LOXL2: variants seen among roughly 807,000 people sequenced by gnomAD.
LOXL2 encodes the protein lysyl oxidase like 2.
In LOXL2, 70 loss-of-function variants were observed where a neutral mutation model predicts 93.0. The ratio of observed to expected loss-of-function variants is 0.75; its 90% CI spans 0.62 to 0.92. The LOEUF (loss-of-function observed/expected upper bound fraction) is 0.92, where lower values mean the gene tolerates loss of function less well. Ranked by LOEUF, LOXL2 falls within the 40% of genes least tolerant of loss-of-function variation. The pLI, the probability that LOXL2 is intolerant of heterozygous loss-of-function variation, is 0.00. For missense variants in LOXL2, 973 were observed against 1,054.9 expected, an observed-to-expected ratio of 0.92 and a Z score of 1.08; for synonymous variants, 438 against 413.2, an observed-to-expected ratio of 1.06 and a Z score of -0.73.
chr8:23,395,880 C>T (rs936910655), intron 1 of LOXL2, among the ~76,000 whole-genome samples: 1 of 151,920 alleles, frequency 6.6e-6, no homozygotes, highest in Non-Finnish European at 1.5e-5. Context: ...TACCCTGTTG[C>T]CCAGGCTGGT....
chr8:23,358,030 C>T lies in LOXL2; in HGVS notation c.531+2060G>A, dbSNP rs183691452. Among the ~76,000 whole-genome samples, 3 of 152,296 alleles carry T rather than the reference C, an allele frequency of 2.0e-5. No individual in the cohort carries two copies. The East Asian group carries it at 5.8e-4, about 29-fold the overall frequency. On this transcript the variant is annotated intron_variant, in intron 3 of 13. Transcript: ENST00000389131. ...CCTGCCCTCTGGGAGCTTCCAATCT[C>T]ATGGGAGAGATAAGATCCACATAAG...
intron 9 of LOXL2, among the ~76,000 whole-genome samples, chr8:23,314,759 A>G (rs1319344563): frequency 6.6e-6 from 1 of 151,862 alleles, no homozygotes; most frequent in Non-Finnish European, 1.5e-5. Flanking sequence ...TAACCTGCAC[A>G]TTGTGCACAT....
chr8:23,344,391 T>C (rs975835120), intron 3 of LOXL2, among the ~76,000 whole-genome samples: 1 of 151,870 alleles, frequency 6.6e-6, no homozygotes, highest in African/African-American at 2.4e-5. Flanking sequence ...TCTGTGTGTG[T>C]GTGGTGTGTA....
chr8:23,351,700 C>CTT (rs1804095949), intron 3 of LOXL2, among the ~76,000 whole-genome samples: 1 of 152,220 alleles, frequency 6.6e-6, no homozygotes, highest in Non-Finnish European at 1.5e-5. Flanking sequence ...CATACACACC[C>CTT]TTTTGCATTT....
chr8:23,314,930 T>C (rs1281774550), intron 9 of LOXL2, among the ~76,000 whole-genome samples: 2 of 152,102 alleles, frequency 1.3e-5, no homozygotes, highest in African/African-American at 4.8e-5. Context: ...TCAAAGCCAG[T>C]GTGGTGCAGT....
At chr8:23,397,778 CAA>C (rs57059999) in intron 1 of LOXL2, among the ~76,000 whole-genome samples, 61 of 90,748 alleles carry the variant, frequency 6.7e-4, no homozygotes, top group African/African-American at 1.4e-3. Flanking sequence ...GACTCTGTCT[CAA>C]AAAAAAAAAA....
At chr8:23,388,621 A>ACT (rs1052921138) in intron 1 of LOXL2, among the ~76,000 whole-genome samples, 4 of 62,988 alleles carry the variant, frequency 6.4e-5, no homozygotes, top group African/African-American at 3.0e-4. Flanking sequence ...CAAAAAATAT[A>ACT]CTCACACACA....
chr8:23,329,816 A>G (rs1803642864), intron 5 of LOXL2, among the ~76,000 whole-genome samples: 1 of 152,160 alleles, frequency 6.6e-6, no homozygotes, highest in Non-Finnish European at 1.5e-5. Flanking sequence ...CTTTTCAAGC[A>G]TTCATGTCCA....
In LOXL2 at chr8:23,368,437, G is replaced by C; in HGVS notation, c.-83-3C>G. On this transcript the variant is annotated splice_polypyrimidine_tract_variant and splice_region_variant and intron_variant, in intron 1 of 13. Transcript: ENST00000389131. ...GGTACAGAAGCAGCAGGAGCTTTCT[G>C]GAAGAGAGGAGAGATGCGTTAGGAT... 1 of 1,145,106 alleles carries C rather than the reference G, an allele frequency of 8.7e-7. No homozygotes were observed. Among genetic ancestry groups the C allele is most frequent in the Non-Finnish European group, 1.3e-6 (1 of 775,936 alleles). The allele number at this position is 1,145,106 out of a possible 1,614,324, so 70.9% of individuals were successfully genotyped here.
chr8:23,369,843 G>A (rs1804469063), intron 1 of LOXL2, among the ~76,000 whole-genome samples: 1 of 152,104 alleles, frequency 6.6e-6, no homozygotes, highest in South Asian at 2.1e-4. Context: ...GGCTCTGAAG[G>A]GAATCAGGGT....
At chr8:23,321,854 T>G (rs1585349268) in intron 7 of LOXL2, 2 of 394,042 alleles carry the variant, frequency 5.1e-6, no homozygotes, top group Non-Finnish European at 9.2e-6. Flanking sequence ...TCTTTGGAGG[T>G]GGTGGGGCAG....
At chr8:23,374,464 C>T (rs201686719) in intron 1 of LOXL2, among the ~76,000 whole-genome samples, 1 of 152,252 alleles carries the variant, frequency 6.6e-6, no homozygotes, top group South Asian at 2.1e-4. Context: ...GGTATATACC[C>T]AGTAATGGGA....
At chr8:23,356,846 T>C (rs1029868600) in intron 3 of LOXL2, among the ~76,000 whole-genome samples, 1 of 152,198 alleles carries the variant, frequency 6.6e-6, no homozygotes, top group African/African-American at 2.4e-5. Flanking sequence ...TGAGGGCCCA[T>C]GCTCCTTGCC....
At chr8:23,366,655 T>C (rs190108552) in intron 2 of LOXL2, among the ~76,000 whole-genome samples, 29 of 152,348 alleles carry the variant, frequency 1.9e-4, no homozygotes, top group African/African-American at 6.5e-4. Flanking sequence ...CAGCATGGCA[T>C]TAGCCCTTTA....
rs552467979 is a variant in LOXL2 at position 23,400,580 on chromosome 8, A to C, written c.-84+3374T>G. 5.3e-5 allele frequency among the ~76,000 whole-genome samples: 8 copies of C among 152,276 alleles called. No individual in the cohort carries two copies. The South Asian group carries it at 1.5e-3, about 28-fold the overall frequency. On this transcript the variant is annotated intron_variant, in intron 1 of 13. Coordinates refer to ENST00000389131, the MANE Select transcript of LOXL2 (RefSeq NM_002318.3). ...ATCTTCATTGGTCAAATGCAGAATA[A>C]AGTCATGCATAAACTAAGGGCTTCA... is the stretch of plus-strand genomic sequence containing the variant.
chr8:23,340,393 C>T (rs137859959), intron 4 of LOXL2, among the ~76,000 whole-genome samples: 1 of 152,200 alleles, frequency 6.6e-6, no homozygotes, highest in African/African-American at 2.4e-5. Context: ...CACTGGACAC[C>T]CCTTAAGTCA....
intron 9 of LOXL2, among the ~76,000 whole-genome samples, chr8:23,311,159 C>G (rs1401284397): frequency 6.6e-6 from 1 of 152,198 alleles, no homozygotes; most frequent in Non-Finnish European, 1.5e-5. Context: ...CCCTTCTCCC[C>G]CTCCCCCTCC....
rs146246196 is a variant in LOXL2, at chr8:23,380,116, C to G, written c.-83-11682G>C. On this transcript the variant is annotated intron_variant, in intron 1 of 13. Coordinates refer to ENST00000389131, the MANE Select transcript of LOXL2 (RefSeq NM_002318.3). Reference sequence around the variant, plus strand: ...CAACGTTTTAAAAGACATCTTAGGCCAGGCGTGCTGGCTTACGCCTGTAAT... The same window carrying G: ...CAACGTTTTAAAAGACATCTTAGGCGAGGCGTGCTGGCTTACGCCTGTAAT... 3.6e-3 allele frequency among the ~76,000 whole-genome samples: 548 copies of G among 152,332 alleles called. 1 individual carries two copies. The highest frequency in any genetic ancestry group is 6.0e-3 in the Non-Finnish European group (408 of 68,016).
rs551308559 is a variant in LOXL2 at position 23,368,138 on chromosome 8, C to T, written c.214G>A (p.Val72Met). ...GQKRKHSEGR[V>M]EVYYDGQWGT... ...CACTGGCCATCATAGTACACCTCCACCCGGCCCTCGCTGTGCTTCCTCTTC... is the reference window on the plus strand; with the variant it reads ...CACTGGCCATCATAGTACACCTCCATCCGGCCCTCGCTGTGCTTCCTCTTC... Residue 72 changes from valine (V) to methionine (M), a missense_variant, in exon 2 of 14, where the codon GTG becomes ATG. By Grantham distance (21) the Val-to-Met change is conservative. Transcript: ENST00000389131. 6.2e-6 allele frequency: 10 copies of T among 1,614,004 alleles called. No homozygotes were observed. In the East Asian group the frequency reaches 1.8e-4, roughly 29 times the overall value.
Sources: gnomAD v4.1 joint callset for allele counts (sites outside exome capture counted in the v4.1 genomes callset) on GRCh38, gnomAD v4.1.1 for gene constraint, MANE v1.5 for transcripts, NCBI Gene and HGNC (gene_info 2026-07-23, HGNC 2026-07-21) for gene names.